The following ACIN1 variants were observed in gnomAD, a reference collection of about 807,000 sequenced individuals.
The protein encoded by ACIN1 is apoptotic chromatin condensation inducer in the nucleus.
ACIN1 carries 16 observed loss-of-function variants against 146.6 expected under a neutral mutation model. That is an observed-to-expected ratio of 0.11 (90% CI 0.07 to 0.17). ACIN1 has a LOEUF of 0.17. Ranked by LOEUF, ACIN1 falls within the 10% of genes least tolerant of loss-of-function variation. The probability of loss-of-function intolerance (pLI) is 1.00; values close to 1 mark genes in which losing one functional copy is unlikely to be tolerated. For synonymous variants in ACIN1, 569 were observed against 582.7 expected (o/e 0.98, Z 0.34); for missense variants, 1,357 against 1,609.3 (o/e 0.84, Z 2.68).
chr14:23,078,224 C>A lies in ACIN1; in HGVS notation c.2050G>T (p.Ala684Ser), dbSNP rs2047850268. Residue 684 changes from alanine (A) to serine (S), a missense_variant, in exon 8 of 19, where the codon GCT (alanine) becomes TCT (serine). Ala to Ser is a moderately conservative substitution (Grantham distance 99, BLOSUM62 1). Transcript: ENST00000605057. ...TCTGAGGTTTGGGGCTGTGTGGCAG[C>A]TGGTGGCTCTGCCTCTTCAGCTTCA... ...KCEAEEAEPP[A>S]ATQPQTSETQ... The A allele has an allele frequency of 6.2e-7, 1 of 1,614,180 alleles. No homozygotes were observed. Among genetic ancestry groups the A allele is most frequent in the East Asian group, 2.2e-5 (1 of 44,886 alleles).
rs1315505787 is a variant in ACIN1 at position 23,079,824 on chromosome 14, T to C, written c.1511A>G (p.His504Arg). The C allele has an allele frequency of 6.2e-7, 1 of 1,613,942 alleles. No homozygotes were observed. The highest frequency in any genetic ancestry group is 8.5e-7 in the Non-Finnish European group (1 of 1,179,926). The change falls in exon 6 of 19, where the codon CAT becomes CGT. Residue 504 changes from histidine to arginine, a missense_variant. Transcript: ENST00000605057. ...CAATCTGTGGCTTGGGAGAAGGGTA[T>C]GAGAAGCTCTTCTGCCTTCCTTCTG... ...LEQKEGRRASHTLLPSHRLKQ... is the reference protein window; with the variant it reads ...LEQKEGRRASRTLLPSHRLKQ...
rs1055493474 is a variant in ACIN1 at position 23,071,486 on chromosome 14, G to A, written c.2124-1869C>T. On this transcript the variant is annotated intron_variant, in intron 8 of 18. Transcript: ENST00000605057. ...GGAGAAGGAGGAAGAGGGCCAGGCT[G>A]CTGGTAGTGGCTGGCTCTATTGTAT... 1.9e-6 allele frequency: 3 copies of A among 1,551,590 alleles called. No homozygotes were observed. In the African/African-American group the frequency reaches 4.1e-5, roughly 21 times the overall value.
At position 23,079,901 on chromosome 14, in the gene ACIN1, T is replaced by A. The variant is rs1249268695; in HGVS notation, c.1434A>T (p.Leu478Phe). 1 of 1,614,220 alleles carries A rather than the reference T, an allele frequency of 6.2e-7. No individual in the cohort carries two copies. The highest frequency in any genetic ancestry group is 8.5e-7 in the Non-Finnish European group (1 of 1,180,042). Residue 478 changes from leucine to phenylalanine, a missense_variant, in exon 6 of 19, where the codon TTA (leucine) becomes TTT (phenylalanine). Physicochemically the swap from Leu to Phe is conservative, Grantham distance 22 (BLOSUM62 0). This residue lies in a region of ACIN1 where 771 missense variants were observed against 746.6 expected (regional missense o/e 1.03). Coordinates refer to ENST00000605057, the MANE Select transcript of ACIN1 (RefSeq NM_001386863.1). ...CTTCAGTGATTCCTTTGGCCAGTGC[T>A]AATTCCTCAATTTTTAGAGGGAGGG... The part of the protein sequence containing the change: ...AQPLPLKIEE[L>F]ALAKGITEEC...
Position 23,090,119 on chromosome 14 carries a change from G to A in ACIN1, c.317-18C>T, listed in dbSNP as rs754020849. 21 of 1,610,656 alleles carry A rather than the reference G, an allele frequency of 1.3e-5. No homozygotes were observed. The highest frequency in any genetic ancestry group is 1.7e-5 in the Non-Finnish European group (20 of 1,177,970). On this transcript the variant is annotated intron_variant, in intron 3 of 18. Coordinates refer to ENST00000605057, the MANE Select transcript of ACIN1 (RefSeq NM_001386863.1). Reference sequence around the variant, plus strand: ...TGAAGCTTCTGCAAAGTACAGATCGGGTCGGGGCAGGGAGGGAGTGAAGGA... The same window carrying A: ...TGAAGCTTCTGCAAAGTACAGATCGAGTCGGGGCAGGGAGGGAGTGAAGGA...
chr14:23,071,066 A>T, intron 8 of ACIN1: 1 of 1,497,746 alleles, frequency 6.7e-7, no homozygotes, highest in Non-Finnish European at 9.1e-7. Flanking sequence ...GAAGAGAAGG[A>T]AGACGAAGGG....
chr14:23,064,731 T>G, intron 10 of ACIN1: 1 of 437,770 alleles, frequency 2.3e-6, no homozygotes, highest in Non-Finnish European at 4.1e-6. Context: ...ACCCCATCTC[T>G]ACTAAAAATA....
intron 8 of ACIN1, 95 bp downstream of exon 8, chr14:23,078,056 A>T: frequency 9.1e-7 from 1 of 1,093,620 alleles, no homozygotes; most frequent in Non-Finnish European, 1.3e-6. Flanking sequence ...TTTTAAAAGG[A>T]AACTAGGACT....
chr14:23,084,104 G>C lies in ACIN1; in HGVS notation c.437-2268C>G, dbSNP rs560635845. ...TGGGACTACAGGCGCCCGCCACCAC[G>C]CCTGGTTAACTTTTGTATTTTTAGT... On this transcript the variant is annotated intron_variant, in intron 4 of 18. Coordinates refer to ENST00000605057, the MANE Select transcript of ACIN1 (RefSeq NM_001386863.1). 3.3e-5 allele frequency among the ~76,000 whole-genome samples: 5 copies of C among 151,854 alleles called. No homozygotes were observed. The South Asian group carries it at 8.3e-4, about 25-fold the overall frequency.
Position 23,061,067 on chromosome 14 carries a change from C to T in ACIN1, c.3525+17G>A, listed in dbSNP as rs75417887. 2.6e-3 allele frequency: 4,231 copies of T among 1,612,098 alleles called. 75 individuals carry two copies. The African/African-American group carries it at 0.043, about 16-fold the overall frequency. On this transcript the variant is annotated intron_variant, in intron 18 of 18. Transcript: ENST00000605057. ...CTCAGTGCCACTAGGGAGCAGGGCACGAAGAAGAGCACTCACCTGGCTGTC... is the reference window on the plus strand; with the variant it reads ...CTCAGTGCCACTAGGGAGCAGGGCATGAAGAAGAGCACTCACCTGGCTGTC...
chr14:23,071,427 G>T, intron 8 of ACIN1: 1 of 1,551,642 alleles, frequency 6.4e-7, no homozygotes. Context: ...AAGTCCTCAC[G>T]GCAAACCCCG....
chr14:23,092,518 T>C (rs533565301), intron 2 of ACIN1, among the ~76,000 whole-genome samples: 1 of 152,352 alleles, frequency 6.6e-6, no homozygotes, highest in East Asian at 1.9e-4. Context: ...TTATGATACT[T>C]ACAGCTTAAT....
chr14:23,061,208 G>A, intron 17 of ACIN1, 24 bp from the exon 18 acceptor site: 2 of 1,613,956 alleles, frequency 1.2e-6, no homozygotes, highest in Non-Finnish European at 1.7e-6. Context: ...AAGTGAACCA[G>A]ATATGATGCA....
At chr14:23,092,607 A>G (rs1566760574) in intron 2 of ACIN1, among the ~76,000 whole-genome samples, 1 of 152,202 alleles carries the variant, frequency 6.6e-6, no homozygotes, top group Non-Finnish European at 1.5e-5. Flanking sequence ...GAGGCTGCAC[A>G]CTATTGCTTT....
intron 13 of ACIN1, 120 bp downstream of exon 13, chr14:23,063,316 T>C (rs2047346576): frequency 1.5e-6 from 2 of 1,336,788 alleles, no homozygotes; most frequent in South Asian, 3.0e-5. Flanking sequence ...AGGAGAAAGA[T>C]ATGATATACG....
intron 8 of ACIN1, among the ~76,000 whole-genome samples, chr14:23,071,799 C>G (rs908723316): frequency 2.0e-5 from 3 of 151,774 alleles, no homozygotes; most frequent in African/African-American, 4.8e-5. Flanking sequence ...GGGGAGGGGG[C>G]TGGGTGGAGG....
chr14:23,082,601 T>C (rs573251150), intron 4 of ACIN1, among the ~76,000 whole-genome samples: 1 of 152,108 alleles, frequency 6.6e-6, no homozygotes, highest in Non-Finnish European at 1.5e-5. Flanking sequence ...CCCACCACCA[T>C]GCCTGGCTAA....
intron 8 of ACIN1, among the ~76,000 whole-genome samples, chr14:23,073,930 C>T (rs1251037160): frequency 2.6e-5 from 4 of 151,152 alleles, no homozygotes; most frequent in African/African-American, 4.9e-5. Flanking sequence ...GCTCCGCCTC[C>T]GGGGTTCACA....
In ACIN1 at chr14:23,082,523, C is replaced by A. The variant is rs557480795; in HGVS notation, c.437-687G>T. 1.4e-5 allele frequency among the ~76,000 whole-genome samples: 2 copies of A among 146,786 alleles called. 1 individual carries two copies. The highest frequency in any genetic ancestry group is 4.4e-4 in the South Asian group (2 of 4,590). ...GCAGTGGTGCAATCTCGCCTCACTG[C>A]GACCTCTGCCCCCTGGCTTCAAACC... On this transcript the variant is annotated intron_variant, in intron 4 of 18. Coordinates refer to ENST00000605057, the MANE Select transcript of ACIN1 (RefSeq NM_001386863.1).
rs751356321 is a variant in ACIN1 at position 23,079,704 on chromosome 14, C to T, written c.1631G>A (p.Arg544Gln). Residue 544 changes from arginine to glutamine, a missense_variant, in exon 6 of 19, where the codon CGG becomes CAG. Coordinates refer to ENST00000605057, the MANE Select transcript of ACIN1 (RefSeq NM_001386863.1). ...CTTGGATCTGAGCGGTGAATGAGAC[C>T]GAGAACCTGAACTGTCAGGAGAGCG... is the stretch of plus-strand genomic sequence containing the variant. ...RSRSPDSSGS[R>Q]SHSPLRSKQR... is the part of the protein sequence containing the mutation. 3.9e-5 allele frequency: 63 copies of T among 1,613,864 alleles called. No individual in the cohort carries two copies. In the East Asian group the frequency reaches 7.4e-4, roughly 19 times the overall value.
Sources: gnomAD v4.1 joint callset for allele counts (sites outside exome capture counted in the v4.1 genomes callset) on GRCh38, gnomAD v4.1.1 for gene constraint, gnomAD v4.1.1 regional missense constraint, MANE v1.5 for transcripts, NCBI Gene and HGNC (gene_info 2026-07-23, HGNC 2026-07-21) for gene names.